Variants in TGFBR3 observed in about 807,000 individuals in gnomAD.
The protein encoded by TGFBR3 is transforming growth factor beta receptor type 3.
A neutral mutation model predicts 87.9 loss-of-function variants in TGFBR3; 46 were observed. The observed-to-expected ratio is 0.52, with a 90% CI of 0.41 to 0.67. The LOEUF (loss-of-function observed/expected upper bound fraction) is 0.67, where lower values mean the gene tolerates loss of function less well. TGFBR3 is among the 30% of genes least tolerant of loss of function. The probability of loss-of-function intolerance (pLI) is 0.00; values close to 1 mark genes in which losing one functional copy is unlikely to be tolerated. For missense variants in TGFBR3, 866 were observed against 1,041.9 expected, an observed-to-expected ratio of 0.83 and a Z score of 2.32; for synonymous variants, 381 against 391.6, an observed-to-expected ratio of 0.97 and a Z score of 0.32.
At chr1:91,714,282 C>A (rs961923458) in intron 12 of TGFBR3, among the ~76,000 whole-genome samples, 1 of 152,068 alleles carries the variant, frequency 6.6e-6, no homozygotes, top group African/African-American at 2.4e-5. Context: ...CCCAGAGTGT[C>A]AATAAATGCT....
chr1:91,889,390 T>C (rs1356965144), upstream of TGFBR3, among the ~76,000 whole-genome samples: 1 of 152,166 alleles, frequency 6.6e-6, no homozygotes, highest in Non-Finnish European at 1.5e-5. Flanking sequence ...ACCAGGTTCT[T>C]CTACCTGTCA....
chr1:91,835,371 G>A (rs572045092), intron 2 of TGFBR3, among the ~76,000 whole-genome samples: 2 of 152,208 alleles, frequency 1.3e-5, no homozygotes, highest in Non-Finnish European at 2.9e-5. Context: ...GGCTGGGAGA[G>A]GAGGTTACAG....
chr1:91,897,132 G>C (rs1557767347), intron 2 of TGFBR3, among the ~76,000 whole-genome samples: 1 of 152,006 alleles, frequency 6.6e-6, no homozygotes, highest in Non-Finnish European at 1.5e-5. Flanking sequence ...TTACTAACTG[G>C]CATTTCAGTT....
chr1:91,685,235 T>G (rs1274328070), intron 16 of TGFBR3, among the ~76,000 whole-genome samples: 1 of 151,880 alleles, frequency 6.6e-6, no homozygotes, highest in East Asian at 1.9e-4. Flanking sequence ...TTGTACTTCC[T>G]CTAATTATCT....
intron 15 of TGFBR3, 93 bp downstream of exon 15, chr1:91,697,996 T>C: frequency 6.6e-6 from 8 of 1,214,322 alleles, no homozygotes; most frequent in Non-Finnish European, 9.8e-6. Flanking sequence ...AGTCTCCTTA[T>C]CAAAACTCAA....
rs145406507 is a variant in TGFBR3, at chr1:91,852,208, T to C, written c.61+9263A>G. Among the ~76,000 whole-genome samples, 43 of 151,910 alleles carry C rather than the reference T, an allele frequency of 2.8e-4. 2 individuals carry two copies. Among genetic ancestry groups the C allele is most frequent in the African/African-American group, 1.0e-3 (42 of 41,410 alleles). ...AGGCTGCAGTGAGCTACCGTGCCACTGCACTCCAGCCTGGGCAACAGAGTG... is the reference window on the plus strand; with the variant it reads ...AGGCTGCAGTGAGCTACCGTGCCACCGCACTCCAGCCTGGGCAACAGAGTG... On this transcript the variant is annotated intron_variant, in intron 2 of 16. Transcript: ENST00000212355.
intron 2 of TGFBR3, among the ~76,000 whole-genome samples, chr1:91,842,268 CAG>C (rs758913950): frequency 2.0e-5 from 3 of 152,092 alleles, no homozygotes; most frequent in Non-Finnish European, 4.4e-5. Context: ...CGAGGAAAAA[CAG>C]AGCAAGATAA....
At position 91,886,001 on chromosome 1, in the gene TGFBR3, C is replaced by T. The variant is rs1271947857; in HGVS notation, c.-237G>A. 1 of 453,150 alleles carries T rather than the reference C, an allele frequency of 2.2e-6. No individual in the cohort carries two copies. The highest frequency in any genetic ancestry group is 4.4e-6 in the Non-Finnish European group (1 of 226,300). The allele number at this position is 453,150 out of a possible 1,614,324, so 28.1% of individuals were successfully genotyped here. ...CAGCTGCTGCGCCGCGGCAAAACTA[C>T]GCCATCCGGACCCGCTGGGGACTCT... On this transcript the variant is annotated 5_prime_UTR_variant, in exon 1 of 17. Transcript: ENST00000212355.
At chr1:91,742,510 T>A (rs934494173) in intron 4 of TGFBR3, among the ~76,000 whole-genome samples, 6 of 152,210 alleles carry the variant, frequency 3.9e-5, no homozygotes, top group African/African-American at 1.4e-4. Flanking sequence ...AGCTAATGAT[T>A]TGATTTTTCA....
At chr1:91,756,586 C>T (rs9887787) in intron 4 of TGFBR3, among the ~76,000 whole-genome samples, 24,170 of 152,100 alleles carry the variant, frequency 0.16, 2,041 homozygotes, top group East Asian at 0.25. Flanking sequence ...ATCCTAAGTG[C>T]TAAATAAATG....
intron 2 of TGFBR3, among the ~76,000 whole-genome samples, chr1:91,860,934 CAAAAAAAAAAAAAA>C (rs3039477): frequency 8.4e-5 from 3 of 35,636 alleles, no homozygotes; most frequent in African/African-American, 1.9e-4. Flanking sequence ...TCTGTCTCCA[CAAAAAAAAAAAAAA>C]AAAAAAAAAA....
chr1:91,704,830 C>T (rs1349026633), intron 14 of TGFBR3, among the ~76,000 whole-genome samples: 2 of 152,196 alleles, frequency 1.3e-5, no homozygotes, highest in African/African-American at 4.8e-5. Context: ...AGGAGGAATC[C>T]AGAAACATTT....
chr1:91,878,895 C>T (rs1428156231), intron 1 of TGFBR3, among the ~76,000 whole-genome samples: 2 of 152,196 alleles, frequency 1.3e-5, no homozygotes, highest in Non-Finnish European at 2.9e-5. Flanking sequence ...AAAGTATACG[C>T]TTCTTTATAA....
chr1:91,686,288 C>A (rs1474722811), intron 16 of TGFBR3, among the ~76,000 whole-genome samples: 1 of 152,210 alleles, frequency 6.6e-6, no homozygotes, highest in Non-Finnish European at 1.5e-5. Context: ...AGAGACCTTT[C>A]AACTTCCCGA....
At chr1:91,793,374 A>G (rs556710939) in intron 3 of TGFBR3, among the ~76,000 whole-genome samples, 1 of 152,308 alleles carries the variant, frequency 6.6e-6, no homozygotes, top group African/African-American at 2.4e-5. Context: ...ATTCCCTCAC[A>G]TTTAAGGATG....
intron 3 of TGFBR3, among the ~76,000 whole-genome samples, chr1:91,762,019 T>C (rs544695990): frequency 4.9e-4 from 74 of 152,302 alleles, no homozygotes; most frequent in African/African-American, 1.7e-3. Flanking sequence ...ATCAATCCTA[T>C]GTCAAATTTA....
intron 2 of TGFBR3, among the ~76,000 whole-genome samples, chr1:91,807,348 T>A (rs537466251): frequency 2.0e-5 from 3 of 152,338 alleles, no homozygotes; most frequent in Non-Finnish European, 4.4e-5. Context: ...CTCTTAGGCA[T>A]ATCTTATCAT....
chr1:91,687,903 T>G (rs1340807125), intron 16 of TGFBR3, among the ~76,000 whole-genome samples: 2 of 152,236 alleles, frequency 1.3e-5, no homozygotes, highest in Non-Finnish European at 2.9e-5. Context: ...AAAGATATTT[T>G]CTTCTAGATC....
At chr1:91,867,328 AGCCTGACTCCACTCT>A (rs1678424392) in intron 1 of TGFBR3, among the ~76,000 whole-genome samples, 1 of 152,202 alleles carries the variant, frequency 6.6e-6, no homozygotes, top group Non-Finnish European at 1.5e-5. Flanking sequence ...AGAGCAGAGA[AGCCTGACTCCACTCT>A]GCCTGTTCTG....
Sources: gnomAD v4.1 joint callset for allele counts (sites outside exome capture counted in the v4.1 genomes callset) on GRCh38, gnomAD v4.1.1 for gene constraint, MANE v1.5 for transcripts, NCBI Gene and HGNC (gene_info 2026-07-23, HGNC 2026-07-21) for gene names.